The following CNTN5 variants were observed in gnomAD, a reference collection of about 807,000 sequenced individuals.
CNTN5 encodes contactin 5, also known as contactin-5.
Under a neutral mutation model 129.1 loss-of-function variants are expected in CNTN5, and 77 were observed. That is an observed-to-expected ratio of 0.60 (90% CI 0.50 to 0.72). The LOEUF (loss-of-function observed/expected upper bound fraction) is 0.72. Ranked by LOEUF, CNTN5 falls within the 30% of genes least tolerant of loss-of-function variation. The pLI is 0.00. For synonymous variants in CNTN5, 509 were observed against 465.6 expected (o/e 1.09, Z -1.20); for missense variants, 1,478 against 1,328.8 (o/e 1.11, Z -1.75).
intron 2 of CNTN5, among the ~76,000 whole-genome samples, chr11:99,382,586 C>T (rs1401396889): frequency 1.3e-5 from 2 of 152,018 alleles, no homozygotes; most frequent in Non-Finnish European, 2.9e-5. Flanking sequence ...CTTATTTGTT[C>T]TTTTTCTCCA....
intron 3 of CNTN5, among the ~76,000 whole-genome samples, chr11:99,660,003 T>C (rs1252882010): frequency 6.6e-6 from 1 of 152,154 alleles, no homozygotes; most frequent in Non-Finnish European, 1.5e-5. Flanking sequence ...AAAGATAATC[T>C]TTTCAACAAA....
At chr11:99,356,279 A>G (rs1343018855) in intron 2 of CNTN5, among the ~76,000 whole-genome samples, 1 of 152,190 alleles carries the variant, frequency 6.6e-6, no homozygotes, top group African/African-American at 2.4e-5. Context: ...TCTACAAATC[A>G]TATGTGACCA....
chr11:99,774,238 T>A (rs928717122), intron 3 of CNTN5, among the ~76,000 whole-genome samples: 2 of 151,920 alleles, frequency 1.3e-5, no homozygotes, highest in Admixed American at 6.6e-5. Context: ...AATACTTGTT[T>A]GTGGGTAAAT....
At chr11:99,508,296 C>T (rs546443909) in intron 2 of CNTN5, among the ~76,000 whole-genome samples, 3 of 152,146 alleles carry the variant, frequency 2.0e-5, no homozygotes, top group East Asian at 3.9e-4. Flanking sequence ...ATATGTTAAG[C>T]GCCTGCCTTT....
At chr11:99,840,021 C>A (rs1196699028) in intron 4 of CNTN5, among the ~76,000 whole-genome samples, 1 of 151,976 alleles carries the variant, frequency 6.6e-6, no homozygotes, top group African/African-American at 2.4e-5. Context: ...GATGACTACA[C>A]CAAGACATAT....
chr11:100,173,720 T>C (rs960306582), intron 13 of CNTN5, among the ~76,000 whole-genome samples: 1 of 152,100 alleles, frequency 6.6e-6, no homozygotes, highest in Non-Finnish European at 1.5e-5. Flanking sequence ...ACATCACAGG[T>C]GTGCTTACAA....
intron 1 of CNTN5, among the ~76,000 whole-genome samples, chr11:99,037,163 A>T (rs969937564): frequency 1.3e-5 from 2 of 152,174 alleles, no homozygotes; most frequent in African/African-American, 4.8e-5. Context: ...CTCATATTCA[A>T]AGTAGCCTTC....
At chr11:99,288,660 A>G (rs1415902557) in intron 1 of CNTN5, among the ~76,000 whole-genome samples, 1 of 151,910 alleles carries the variant, frequency 6.6e-6, no homozygotes, top group Non-Finnish European at 1.5e-5. Context: ...CATTCTCTAC[A>G]AAGGAATAGA....
chr11:99,670,083 T>C (rs898455965), intron 3 of CNTN5, among the ~76,000 whole-genome samples: 2 of 152,184 alleles, frequency 1.3e-5, no homozygotes, highest in African/African-American at 4.8e-5. Flanking sequence ...TTGGTTCTTA[T>C]TATTCTACTT....
chr11:100,208,873 G>T (rs1299950526), intron 15 of CNTN5, among the ~76,000 whole-genome samples: 1 of 152,168 alleles, frequency 6.6e-6, no homozygotes, highest in Non-Finnish European at 1.5e-5. Context: ...GGTCATAAAT[G>T]CATCTACTGT....
chr11:99,320,481 G>T (rs1009898329), intron 1 of CNTN5, among the ~76,000 whole-genome samples: 3 of 152,126 alleles, frequency 2.0e-5, no homozygotes, highest in Non-Finnish European at 2.9e-5. Flanking sequence ...AGTTTTTTGT[G>T]TATAGGTGGC....
chr11:99,780,157 T>A (rs1198752103), intron 3 of CNTN5, among the ~76,000 whole-genome samples: 8 of 151,966 alleles, frequency 5.3e-5, no homozygotes, highest in Admixed American at 2.6e-4. Context: ...GTTACTGTTA[T>A]CAAGTCCTCC....
intron 3 of CNTN5, among the ~76,000 whole-genome samples, chr11:99,645,398 G>A (rs1326505560): frequency 1.3e-5 from 2 of 151,600 alleles, no homozygotes; most frequent in African/African-American, 2.4e-5. Flanking sequence ...TAATGGGATT[G>A]CTGGGTCAGA....
At chr11:99,082,442 C>T (rs1239410812) in intron 1 of CNTN5, among the ~76,000 whole-genome samples, 1 of 152,130 alleles carries the variant, frequency 6.6e-6, no homozygotes, top group African/African-American at 2.4e-5. Context: ...CTCGGCCCTC[C>T]AAAGTGCTGG....
At chr11:99,675,411 G>A (rs972713001) in intron 3 of CNTN5, among the ~76,000 whole-genome samples, 4 of 152,072 alleles carry the variant, frequency 2.6e-5, no homozygotes, top group African/African-American at 7.2e-5. Context: ...GGCTGGGTGC[G>A]GTGGCTCACA....
intron 2 of CNTN5, among the ~76,000 whole-genome samples, chr11:99,502,301 G>C (rs1361912520): frequency 1.3e-5 from 2 of 151,708 alleles, no homozygotes; most frequent in East Asian, 3.9e-4. Flanking sequence ...TTTTTTTCTT[G>C]TGTCTTTAAT....
intron 1 of CNTN5, among the ~76,000 whole-genome samples, chr11:99,074,905 A>C (rs1208637469): frequency 6.6e-6 from 1 of 152,220 alleles, no homozygotes; most frequent in African/African-American, 2.4e-5. Context: ...GTGCTATTAG[A>C]AACTAAAATA....
intron 3 of CNTN5, among the ~76,000 whole-genome samples, chr11:99,744,542 T>A (rs1252274234): frequency 7.0e-5 from 1 of 14,214 alleles, no homozygotes; most frequent in Non-Finnish European, 1.3e-4. Context: ...CTACAAAAAG[T>A]TAAAAAAAAA....
chr11:99,085,585 A>T (rs548645015), intron 1 of CNTN5, among the ~76,000 whole-genome samples: 6 of 152,158 alleles, frequency 3.9e-5, no homozygotes, highest in Non-Finnish European at 8.8e-5. Context: ...TTTTTCTAAG[A>T]GTCTCCAAAG....
Sources: allele counts gnomAD v4.1 joint callset (sites outside exome capture counted in the v4.1 genomes callset), GRCh38; gene constraint gnomAD v4.1.1; transcripts MANE v1.5; gene names NCBI Gene and HGNC (gene_info 2026-07-23, HGNC 2026-07-21).